The following FTCDNL1 variants were observed in gnomAD, a reference collection of about 807,000 sequenced individuals.
The protein encoded by FTCDNL1 is formiminotransferase N-terminal subdomain-containing protein.
In FTCDNL1, 11 loss-of-function variants were observed where a neutral mutation model predicts 5.9. The ratio of observed to expected loss-of-function variants is 1.87; its 90% CI spans 1.18 to 3.10. The LOEUF (loss-of-function observed/expected upper bound fraction) is 3.10. Among genes scored for constraint, FTCDNL1 ranks in the 30% most tolerant of loss-of-function variants. The probability of loss-of-function intolerance (pLI) is 0.00; values close to 1 mark genes in which losing one functional copy is unlikely to be tolerated. For missense variants in FTCDNL1, 115 were observed against 65.5 expected (o/e 1.76, Z -2.61); for synonymous variants, 58 against 24.8 (o/e 2.34, Z -3.99).
intron 3 of FTCDNL1, among the ~76,000 whole-genome samples, chr2:199,837,115 C>T (rs1702802356): frequency 6.6e-6 from 1 of 152,170 alleles, no homozygotes; most frequent in South Asian, 2.1e-4. Flanking sequence ...TCATTAGTAC[C>T]TCTGTTTTAC....
chr2:199,700,246 T>C, the FTCDNL1 span, among the ~76,000 whole-genome samples: 2 of 152,312 alleles, frequency 1.3e-5, no homozygotes, highest in Non-Finnish European at 2.9e-5. Context: ...AGCATCGCTA[T>C]ATACCAATAA....
At chr2:199,821,004 A>G (rs1048651063) in intron 3 of FTCDNL1, among the ~76,000 whole-genome samples, 11 of 152,162 alleles carry the variant, frequency 7.2e-5, no homozygotes, top group Non-Finnish European at 1.2e-4. Context: ...GACCTTCCCA[A>G]CTGCAATTTC....
intron 3 of FTCDNL1, among the ~76,000 whole-genome samples, chr2:199,834,287 G>A (rs549485818): frequency 5.9e-5 from 9 of 152,222 alleles, no homozygotes; most frequent in Admixed American, 3.3e-4. Flanking sequence ...CCCTGATCGC[G>A]GACTTCTAGC....
the FTCDNL1 span, among the ~76,000 whole-genome samples, chr2:199,732,193 C>A: frequency 0.023 from 3,558 of 152,254 alleles, 144 homozygotes; most frequent in African/African-American, 0.08. Context: ...TTTTCTACTT[C>A]TCTAATCTTC....
intron 3 of FTCDNL1, among the ~76,000 whole-genome samples, chr2:199,765,556 A>ATATATAGTTTTTTTTTTTTT: frequency 2.3e-5 from 1 of 42,656 alleles, no homozygotes. Flanking sequence ...ATATATATAT[A>ATATATAGTTTTTTTTTTTTT]TTTTTTTTTT....
At chr2:199,778,338 G>A (rs1699195446) in intron 3 of FTCDNL1, among the ~76,000 whole-genome samples, 1 of 152,118 alleles carries the variant, frequency 6.6e-6, no homozygotes. Flanking sequence ...TAAAAAACTG[G>A]GAACATGGTA....
At chr2:199,677,301 C>T in the FTCDNL1 span, among the ~76,000 whole-genome samples, 1 of 152,182 alleles carries the variant, frequency 6.6e-6, no homozygotes, top group Admixed American at 6.5e-5. Flanking sequence ...CCCTGCCACA[C>T]AGCTACTTGC....
the FTCDNL1 span, among the ~76,000 whole-genome samples, chr2:199,742,123 T>G: frequency 6.6e-6 from 1 of 151,934 alleles, no homozygotes; most frequent in African/African-American, 2.4e-5. Context: ...TTAAATACAC[T>G]GGTCCTTCTG....
chr2:199,760,669 G>A (rs1574431874), exon 4 of FTCDNL1: 1 of 601,490 alleles, frequency 1.7e-6, no homozygotes, highest in South Asian at 2.0e-5. Context: ...GTAATTCTGG[G>A]TATGGTATAA....
chr2:199,848,837 G>C lies in FTCDNL1; in HGVS notation c.115+11C>G, dbSNP rs1238318107. 1.4e-6 allele frequency: 1 copy of C among 701,420 alleles called. No individual in the cohort carries two copies. The highest frequency in any genetic ancestry group is 1.7e-5 in the African/African-American group (1 of 57,182). The allele number at this position is 701,420 out of a possible 1,614,324, so 43.4% of individuals were successfully genotyped here. A position where few individuals can be genotyped will look rare whatever the true frequency, so the allele number is the denominator to read the frequency against. On this transcript the variant is annotated intron_variant, in intron 2 of 4. Transcript: ENST00000420128. The stretch of plus-strand genomic sequence containing the variant: ...CTATAATATTCAGCTTCAATTGTCT[G>C]TTTTTCCTACCATTTTTGTCAAGAA...
the FTCDNL1 span, among the ~76,000 whole-genome samples, chr2:199,750,828 A>C: frequency 2.0e-5 from 3 of 152,258 alleles, no homozygotes; most frequent in African/African-American, 7.2e-5. Context: ...ATAGGAAGCC[A>C]GGCTTGAAGG....
the FTCDNL1 span, among the ~76,000 whole-genome samples, chr2:199,724,496 T>C: frequency 6.7e-3 from 1,013 of 152,272 alleles, 15 homozygotes; most frequent in African/African-American, 0.023. Flanking sequence ...TTGAGATCTT[T>C]CTAGTTTTTT....
the FTCDNL1 span, among the ~76,000 whole-genome samples, chr2:199,666,432 T>C: frequency 6.6e-6 from 1 of 152,226 alleles, no homozygotes; most frequent in African/African-American, 2.4e-5. Context: ...CTATAGCACA[T>C]GCCCATGTTA....
intron 4 of FTCDNL1, among the ~76,000 whole-genome samples, chr2:199,818,153 G>C (rs1701464420): frequency 6.6e-6 from 1 of 152,154 alleles, no homozygotes; most frequent in African/African-American, 2.4e-5. Flanking sequence ...CAGTCCACCT[G>C]GCACTGAAGT....
chr2:199,758,199 C>T (rs1057396380), downstream of FTCDNL1, among the ~76,000 whole-genome samples: 14 of 151,222 alleles, frequency 9.3e-5, no homozygotes, highest in East Asian at 5.8e-4. Flanking sequence ...GTAATAACTA[C>T]GTTGTATAGA....
chr2:199,747,011 A>G, the FTCDNL1 span, among the ~76,000 whole-genome samples: 1 of 145,242 alleles, frequency 6.9e-6, no homozygotes, highest in Non-Finnish European at 1.5e-5. Context: ...GTTTCAGAGA[A>G]GAGGGTTTAT....
the FTCDNL1 span, among the ~76,000 whole-genome samples, chr2:199,744,755 G>A: frequency 1.7e-4 from 26 of 152,006 alleles, no homozygotes; most frequent in Admixed American, 5.2e-4. Context: ...TCCTTACGTC[G>A]GAGTTTAAGA....
At chr2:199,757,751 G>C (rs902512678), downstream of FTCDNL1, among the ~76,000 whole-genome samples, 3 of 152,328 alleles carry the variant, frequency 2.0e-5, no homozygotes, top group African/African-American at 7.2e-5. Context: ...TAGTTTTGCA[G>C]CTGGTGGTGG....
intron 3 of FTCDNL1, among the ~76,000 whole-genome samples, chr2:199,794,278 A>G (rs1284391437): frequency 6.6e-6 from 1 of 152,248 alleles, no homozygotes; most frequent in African/African-American, 2.4e-5. Context: ...CAATATTTGC[A>G]TAGAAGAACC....
Sources: allele counts gnomAD v4.1 joint callset (sites outside exome capture counted in the v4.1 genomes callset), GRCh38; gene constraint gnomAD v4.1.1; transcripts MANE v1.5; gene names NCBI Gene and HGNC (gene_info 2026-07-23, HGNC 2026-07-21).